LHCGR: variants seen among roughly 807,000 people sequenced by gnomAD.
The protein encoded by LHCGR is lutropin-choriogonadotropic hormone receptor.
LHCGR carries 55 observed loss-of-function variants against 60.7 expected under a neutral mutation model. The observed-to-expected ratio is 0.91, with a 90% confidence interval of 0.73 to 1.13. The LOEUF (loss-of-function observed/expected upper bound fraction) is 1.13. LHCGR is among the 50% of genes most tolerant of loss of function. The probability of loss-of-function intolerance (pLI) is 0.00; values close to 1 mark genes in which losing one functional copy is unlikely to be tolerated. For missense variants in LHCGR, 862 were observed against 836.0 expected, an observed-to-expected ratio of 1.03 and a Z score of -0.38; for synonymous variants, 337 against 316.5, an observed-to-expected ratio of 1.06 and a Z score of -0.69.
intron 1 of LHCGR, among the ~76,000 whole-genome samples, chr2:48,739,460 C>A (rs973492241): frequency 7.2e-5 from 11 of 152,178 alleles, no homozygotes; most frequent in African/African-American, 2.7e-4. Context: ...GGCACATATA[C>A]ACCATGGAAT....
In LHCGR at chr2:48,723,534, C is replaced by T; in HGVS notation, c.459-1G>A. 6.2e-7 allele frequency: 1 copy of T among 1,612,312 alleles called. No individual in the cohort carries two copies. ...TATGTGTAAGTTATCACAAATTTCC[C>T]TTGAGGAAAGAAATGAGAAATATTT... On this transcript the variant is annotated splice_acceptor_variant, in intron 5 of 10. Coordinates refer to ENST00000294954, the MANE Select transcript of LHCGR (RefSeq NM_000233.4). LOFTEE classifies it high-confidence loss of function.
intron 8 of LHCGR, among the ~76,000 whole-genome samples, chr2:48,700,258 T>A (rs1481160853): frequency 6.6e-6 from 1 of 152,142 alleles, no homozygotes; most frequent in African/African-American, 2.4e-5. Context: ...TAAAATTAGG[T>A]TCTTAGAAAC....
At position 48,755,609 on chromosome 2, in the gene LHCGR, C is replaced by A; in HGVS notation, c.63G>T (p.Leu21=). The change falls in exon 1 of 11, where the codon CTG becomes CTT. Residue 21 remains leucine, a synonymous_variant. Coordinates refer to ENST00000294954, the MANE Select transcript of LHCGR (RefSeq NM_000233.4). ...AGAGCGCCTCGCGCAGCGCTCGTGG[C>A]AGCGGCGGCTGCAGCAGCAGCAGCA... ...LKLLLLLQPP[L]PRALREALCP... 1 of 1,532,566 alleles carries A rather than the reference C, an allele frequency of 6.5e-7. No homozygotes were observed. Among genetic ancestry groups the A allele is most frequent in the Middle Eastern group, 2.3e-4 (1 of 4,344 alleles). 94.9% of individuals were successfully genotyped at this position (1,532,566 alleles called of 1,614,324 possible). A position where few individuals can be genotyped will look rare whatever the true frequency, so the allele number is the denominator to read the frequency against.
chr2:48,739,991 G>A (rs1669365581), intron 1 of LHCGR, among the ~76,000 whole-genome samples: 1 of 152,336 alleles, frequency 6.6e-6, no homozygotes, highest in South Asian at 2.1e-4. Context: ...CGTGCACCAT[G>A]CGCGAGCTGA....
In LHCGR at chr2:48,725,716, C is replaced by G; in HGVS notation, c.343G>C (p.Glu115Gln). 6.2e-7 allele frequency: 1 copy of G among 1,613,230 alleles called. No individual in the cohort carries two copies. The highest frequency in any genetic ancestry group is 2.2e-5 in the East Asian group (1 of 44,868). ...IQNTKNLRYI[E>Q]PGAFINLPRL... Reference sequence around the variant, plus strand: ...GGAAGATTTATAAATGCTCCGGGCTCAATGTATCTCAGATTTTTGGTGTTC... The same window carrying G: ...GGAAGATTTATAAATGCTCCGGGCTGAATGTATCTCAGATTTTTGGTGTTC... The change falls in exon 4 of 11, where the codon GAG becomes CAG. Residue 115 changes from glutamate to glutamine, a missense_variant. Glu to Gln is a conservative substitution (Grantham distance 29, BLOSUM62 2). Coordinates refer to ENST00000294954, the MANE Select transcript of LHCGR (RefSeq NM_000233.4).
intron 1 of LHCGR, among the ~76,000 whole-genome samples, chr2:48,731,694 A>C (rs1319939319): frequency 2.0e-5 from 3 of 152,206 alleles, no homozygotes; most frequent in African/African-American, 7.2e-5. Context: ...AATCCATGTA[A>C]AGAACAGGGC....
At chr2:48,705,167 C>A (rs556039463) in intron 8 of LHCGR, among the ~76,000 whole-genome samples, 2 of 152,250 alleles carry the variant, frequency 1.3e-5, no homozygotes, top group African/African-American at 2.4e-5. Context: ...CATTCAGGAG[C>A]AGGTTGTTCA....
chr2:48,698,166 C>G (rs1667219492), intron 9 of LHCGR, among the ~76,000 whole-genome samples: 1 of 152,170 alleles, frequency 6.6e-6, no homozygotes, highest in Non-Finnish European at 1.5e-5. Context: ...TGCTCGTCTA[C>G]TAGGAGAGAA....
intron 10 of LHCGR, among the ~76,000 whole-genome samples, chr2:48,693,398 A>C (rs1293511483): frequency 6.6e-6 from 1 of 152,226 alleles, no homozygotes; most frequent in Non-Finnish European, 1.5e-5. Flanking sequence ...GGTTACTTCC[A>C]AAGATTCATA....
chr2:48,708,242 C>T (rs1011247310), intron 8 of LHCGR, among the ~76,000 whole-genome samples: 1 of 152,166 alleles, frequency 6.6e-6, no homozygotes, highest in Non-Finnish European at 1.5e-5. Flanking sequence ...AGTCTGACAG[C>T]AGCTCAGCCC....
chr2:48,746,158 T>A (rs1669697391), intron 1 of LHCGR, among the ~76,000 whole-genome samples: 1 of 152,250 alleles, frequency 6.6e-6, no homozygotes, highest in Non-Finnish European at 1.5e-5. Context: ...GTGAAAGATT[T>A]AGGCCACCTA....
intron 1 of LHCGR, among the ~76,000 whole-genome samples, chr2:48,751,449 G>T (rs1357099505): frequency 2.0e-5 from 3 of 152,136 alleles, no homozygotes; most frequent in Admixed American, 6.5e-5. Context: ...TCACAGTTCA[G>T]CTTCTTAACA....
chr2:48,747,265 A>AT (rs935589747), intron 1 of LHCGR, among the ~76,000 whole-genome samples: 1 of 151,454 alleles, frequency 6.6e-6, no homozygotes, highest in Non-Finnish European at 1.5e-5. Context: ...ATTTTTTGGT[A>AT]TTTTTTAGTA....
rs1558819067 is a variant in LHCGR, at chr2:48,698,645, C to T, written c.836G>A (p.Cys279Tyr). ...LEATLTYPSHCCAFRNLPTKE... is the reference protein window; with the variant it reads ...LEATLTYPSHYCAFRNLPTKE... ...TGTTGGCAAGTTTCTAAAAGCACAGCAGTGGCTGGGGTAAGTCAACGTGGC... is the reference window on the plus strand; with the variant it reads ...TGTTGGCAAGTTTCTAAAAGCACAGTAGTGGCTGGGGTAAGTCAACGTGGC... The change falls in exon 9 of 11, where the codon TGC (cysteine) becomes TAC (tyrosine). Residue 279 changes from cysteine to tyrosine, a missense_variant. By Grantham distance (194) the Cys-to-Tyr change is radical. Transcript: ENST00000294954. The T allele has an allele frequency of 6.2e-7, 1 of 1,614,162 alleles. No individual in the cohort carries two copies.
chr2:48,688,204 G>A lies in LHCGR; in HGVS notation c.1593C>T (p.Ile531=). Residue 531 remains isoleucine (I), a synonymous_variant, in exon 11 of 11, where the codon ATC becomes ATT. Coordinates refer to ENST00000294954, the MANE Select transcript of LHCGR (RefSeq NM_000233.4). This position sits in a 1 kb window ranked among gnomAD's most constrained non-coding sequence, Gnocchi z 5.2. Reference sequence around the variant, plus strand: ...AGAAGGCCACCACATTGAGAATCAGGATGGTTAATATATAGACTTGTGAGA... The same window carrying A: ...AGAAGGCCACCACATTGAGAATCAGAATGGTTAATATATAGACTTGTGAGA... ...TTLSQVYILT[I]LILNVVAFFI... 6.2e-7 allele frequency: 1 copy of A among 1,614,162 alleles called. No homozygotes were observed. Among genetic ancestry groups the A allele is most frequent in the Non-Finnish European group, 8.5e-7 (1 of 1,180,028 alleles).
chr2:48,719,622 C>A (rs1357861998), intron 6 of LHCGR, among the ~76,000 whole-genome samples: 1 of 152,122 alleles, frequency 6.6e-6, no homozygotes, highest in Non-Finnish European at 1.5e-5. Context: ...AATGAACAAC[C>A]AAAGTGGCTA....
chr2:48,732,954 C>G, intron 1 of LHCGR: 1 of 534,376 alleles, frequency 1.9e-6, no homozygotes, highest in South Asian at 1.4e-5. Context: ...CCGAGAAGAA[C>G]AGGGACAGTG....
intron 1 of LHCGR, among the ~76,000 whole-genome samples, chr2:48,745,479 A>T (rs905035143): frequency 6.6e-6 from 1 of 152,198 alleles, no homozygotes; most frequent in African/African-American, 2.4e-5. Context: ...GGATTAAGAA[A>T]ATGTGGCATA....
intron 10 of LHCGR, among the ~76,000 whole-genome samples, chr2:48,689,712 CCTCT>C (rs763839443): frequency 1.3e-5 from 2 of 151,808 alleles, no homozygotes; most frequent in South Asian, 2.1e-4. Flanking sequence ...AGGGTCTTTT[CCTCT>C]CTCTCTCTTT....
Sources: allele counts gnomAD v4.1 joint callset (sites outside exome capture counted in the v4.1 genomes callset), GRCh38; gene constraint gnomAD v4.1.1; non-coding constraint Gnocchi (gnomAD v3.1); transcripts MANE v1.5; gene names NCBI Gene and HGNC (gene_info 2026-07-23, HGNC 2026-07-21).